IGSF21: variants seen among roughly 807,000 people sequenced by gnomAD.
The protein encoded by IGSF21 is immunoglobin superfamily member 21, also known as immunoglobulin superfamily member 21.
A neutral mutation model predicts 46.8 loss-of-function variants in IGSF21; 28 were observed. The ratio of observed to expected loss-of-function variants is 0.60; its 90% CI spans 0.44 to 0.82. IGSF21 has a LOEUF of 0.82. IGSF21 is among the 40% of genes least tolerant of loss of function. IGSF21 has a pLI of 0.00. For missense variants in IGSF21, 624 were observed against 665.5 expected, an observed-to-expected ratio of 0.94 and a Z score of 0.69; for synonymous variants, 284 against 273.6, an observed-to-expected ratio of 1.04 and a Z score of -0.38.
Position 18,365,105 on chromosome 1 carries a change from T to C in IGSF21, c.541-118T>C, listed in dbSNP as rs183666942. 3.4e-4 allele frequency: 255 copies of C among 759,014 alleles called. 1 individual carries two copies. In the East Asian group the frequency reaches 4.6e-3, roughly 14 times the overall value. The allele number at this position is 759,014 out of a possible 1,614,324, so 47.0% of individuals were successfully genotyped here. A position where few individuals can be genotyped will look rare whatever the true frequency, so the allele number is the denominator to read the frequency against. On this transcript the variant is annotated intron_variant, in intron 5 of 9. Coordinates refer to ENST00000251296, the MANE Select transcript of IGSF21 (RefSeq NM_032880.5). The surrounding 1 kb of genome is among the most constrained non-coding windows in gnomAD (Gnocchi z 4.8). Reference sequence around the variant, plus strand: ...GAAAAGAGTGGGGTGAGGGCTACTGTCTAGACTACTATGCTCTGGAAGAAC... The same window carrying C: ...GAAAAGAGTGGGGTGAGGGCTACTGCCTAGACTACTATGCTCTGGAAGAAC...
chr1:18,214,289 G>C (rs1233709090), intron 1 of IGSF21, among the ~76,000 whole-genome samples: 1 of 152,148 alleles, frequency 6.6e-6, no homozygotes, highest in East Asian at 1.9e-4. Flanking sequence ...AAAGCACCGG[G>C]GACTGCTCCC....
chr1:18,248,752 G>A (rs1215944592), intron 2 of IGSF21, among the ~76,000 whole-genome samples: 3 of 152,128 alleles, frequency 2.0e-5, no homozygotes, highest in Non-Finnish European at 2.9e-5. Context: ...CTACAGGGGT[G>A]TCAGGCCCTG....
intron 2 of IGSF21, among the ~76,000 whole-genome samples, chr1:18,250,209 A>G (rs143672304): frequency 3.3e-5 from 5 of 150,446 alleles, no homozygotes; most frequent in African/African-American, 9.8e-5. Context: ...TGCTTTGTAA[A>G]TGTTCTGACG....
At chr1:18,141,796 C>G (rs902599414) in intron 1 of IGSF21, among the ~76,000 whole-genome samples, 1 of 152,182 alleles carries the variant, frequency 6.6e-6, no homozygotes, top group African/African-American at 2.4e-5. Flanking sequence ...TGGCTGGGCA[C>G]AGTGGCTCAT....
At chr1:18,258,374 A>G (rs1382604996) in intron 2 of IGSF21, among the ~76,000 whole-genome samples, 1 of 152,218 alleles carries the variant, frequency 6.6e-6, no homozygotes, top group African/African-American at 2.4e-5. Context: ...GTAACCACCA[A>G]TGGTAAGGTG....
intron 2 of IGSF21, among the ~76,000 whole-genome samples, chr1:18,282,013 CT>C (rs1310006950): frequency 1.3e-5 from 2 of 152,198 alleles, no homozygotes; most frequent in African/African-American, 4.8e-5. Flanking sequence ...CCCCTCCCCT[CT>C]TTGGGCCTTG....
At position 18,341,981 on chromosome 1, in the gene IGSF21, C is replaced by T. The variant is rs747511277; in HGVS notation, c.424+6971C>T. On this transcript the variant is annotated intron_variant, in intron 4 of 9. Coordinates refer to ENST00000251296, the MANE Select transcript of IGSF21 (RefSeq NM_032880.5). ...ACAGATGTTAATGAACTTTACATGA[C>T]GTTTCTGGTTGGTTTGTCTTTTTTC... Among the ~76,000 whole-genome samples the T allele has an allele frequency of 1.6e-4, 24 of 151,734 alleles. No individual in the cohort carries two copies. The East Asian group carries it at 2.3e-3, about 15-fold the overall frequency.
intron 2 of IGSF21, among the ~76,000 whole-genome samples, chr1:18,237,218 A>G (rs2084681614): frequency 6.6e-6 from 1 of 152,196 alleles, no homozygotes; most frequent in African/African-American, 2.4e-5. Context: ...TAATTAAAAA[A>G]TGCATTTGGT....
At chr1:18,167,720 G>A (rs2086692999) in intron 1 of IGSF21, 1 of 152,200 alleles carries the variant, frequency 6.6e-6, no homozygotes, top group African/African-American at 2.4e-5. Context: ...GATCTGCTGG[G>A]GTGGGGGAGC....
intron 6 of IGSF21, among the ~76,000 whole-genome samples, chr1:18,370,156 G>C (rs553379696): frequency 6.6e-6 from 1 of 152,188 alleles, no homozygotes; most frequent in East Asian, 1.9e-4. Context: ...CAAACTGATC[G>C]TTCTGCTTCC....
intron 1 of IGSF21, among the ~76,000 whole-genome samples, chr1:18,214,775 G>A (rs114133749): frequency 0.02 from 2,994 of 152,048 alleles, 68 homozygotes; most frequent in African/African-American, 0.065. Context: ...TTGCTCTGTC[G>A]CCAGGCTGGC....
At chr1:18,159,843 G>A (rs1329798311) in intron 1 of IGSF21, among the ~76,000 whole-genome samples, 4 of 152,010 alleles carry the variant, frequency 2.6e-5, no homozygotes, top group South Asian at 2.1e-4. Context: ...CACCACGCCC[G>A]GCTAATTTTT....
chr1:18,336,134 G>A (rs2085763585), intron 4 of IGSF21, among the ~76,000 whole-genome samples: 1 of 152,182 alleles, frequency 6.6e-6, no homozygotes, highest in Admixed American at 6.5e-5. Context: ...TACCTATGAG[G>A]TGGCCGGGAA....
intron 4 of IGSF21, among the ~76,000 whole-genome samples, chr1:18,360,515 G>A (rs536288741): frequency 6.6e-4 from 101 of 152,172 alleles, no homozygotes; most frequent in African/African-American, 2.2e-3. Context: ...CATTGTTCCC[G>A]GCACCTAGTA....
chr1:18,351,148 T>C (rs1302509028), intron 4 of IGSF21, among the ~76,000 whole-genome samples: 1 of 151,950 alleles, frequency 6.6e-6, no homozygotes, highest in African/African-American at 2.4e-5. Context: ...TGAGACGGAA[T>C]CTTCAGCCCC....
At chr1:18,134,209 C>T (rs1019274215) in intron 1 of IGSF21, among the ~76,000 whole-genome samples, 14 of 152,256 alleles carry the variant, frequency 9.2e-5, no homozygotes, top group African/African-American at 3.1e-4. Context: ...CCCCTTAACC[C>T]TCCTCTGTGG....
intron 1 of IGSF21, among the ~76,000 whole-genome samples, chr1:18,186,736 A>G (rs1370019166): frequency 6.6e-6 from 1 of 152,200 alleles, no homozygotes; most frequent in Non-Finnish European, 1.5e-5. Context: ...TATTTTGCAG[A>G]GGGGGTTCAG....
chr1:18,200,949 T>C (rs2087067264), intron 1 of IGSF21, among the ~76,000 whole-genome samples: 1 of 152,144 alleles, frequency 6.6e-6, no homozygotes, highest in African/African-American at 2.4e-5. Flanking sequence ...TGTTCTGTGC[T>C]AGGGATGGAT....
At chr1:18,341,591 A>G (rs2085842298) in intron 4 of IGSF21, among the ~76,000 whole-genome samples, 1 of 152,156 alleles carries the variant, frequency 6.6e-6, no homozygotes, top group South Asian at 2.1e-4. Flanking sequence ...CTCACTGAAC[A>G]CTCACAAAAG....
Sources: allele counts gnomAD v4.1 joint callset (sites outside exome capture counted in the v4.1 genomes callset), GRCh38; gene constraint gnomAD v4.1.1; non-coding constraint Gnocchi (gnomAD v3.1); transcripts MANE v1.5; gene names NCBI Gene and HGNC (gene_info 2026-07-23, HGNC 2026-07-21).